Variants in RGS3 observed in about 807,000 individuals in gnomAD.
RGS3 encodes regulator of G-protein signalling 3.
A neutral mutation model predicts 132.6 loss-of-function variants in RGS3; 80 were observed. The observed-to-expected ratio is 0.60, with a 90% confidence interval of 0.50 to 0.73. The LOEUF is 0.73. Ranked by LOEUF, RGS3 falls within the 30% of genes least tolerant of loss-of-function variation. The probability of loss-of-function intolerance (pLI) is 0.00; values close to 1 mark genes in which losing one functional copy is unlikely to be tolerated. For missense variants in RGS3, 1,382 were observed against 1,530.8 expected, an observed-to-expected ratio of 0.90 and a Z score of 1.62; for synonymous variants, 598 against 620.6, an observed-to-expected ratio of 0.96 and a Z score of 0.54.
intron 1 of RGS3, among the ~76,000 whole-genome samples, chr9:113,449,098 G>A (rs1444332082): frequency 6.6e-6 from 1 of 152,208 alleles, no homozygotes; most frequent in Non-Finnish European, 1.5e-5. Flanking sequence ...GAATCAGGGA[G>A]TGATAGCACT....
chr9:113,549,441 G>C (rs1376867360), intron 19 of RGS3, among the ~76,000 whole-genome samples: 1 of 151,454 alleles, frequency 6.6e-6, no homozygotes, highest in Non-Finnish European at 1.5e-5. Context: ...TTTTTTCTTT[G>C]TTTGTTTGTT....
At chr9:113,484,607 C>T (rs987095836) in intron 6 of RGS3, among the ~76,000 whole-genome samples, 1 of 152,154 alleles carries the variant, frequency 6.6e-6, no homozygotes, top group Non-Finnish European at 1.5e-5. Context: ...TGCCTCCCTG[C>T]CCCCCTTTTT....
intron 20 of RGS3, among the ~76,000 whole-genome samples, chr9:113,588,767 C>T (rs1462883913): frequency 6.6e-6 from 1 of 152,172 alleles, no homozygotes; most frequent in Non-Finnish European, 1.5e-5. Context: ...TGAGCACGTC[C>T]CCGTGTTAAC....
intron 15 of RGS3, among the ~76,000 whole-genome samples, chr9:113,516,788 C>T (rs1295057699): frequency 6.6e-6 from 1 of 152,194 alleles, no homozygotes; most frequent in Admixed American, 6.5e-5. Flanking sequence ...CCTCAAGCTC[C>T]TGGCCTCAAA....
intron 1 of RGS3, among the ~76,000 whole-genome samples, chr9:113,445,258 C>T (rs1040915604): frequency 2.6e-5 from 4 of 151,506 alleles, no homozygotes; most frequent in African/African-American, 9.7e-5. Context: ...AGTGCAATGG[C>T]GTGATCTCGG....
chr9:113,479,468 T>C lies in RGS3; in HGVS notation c.416-23T>C, dbSNP rs1448730769. The C allele has an allele frequency of 1.9e-6, 3 of 1,613,810 alleles. No homozygotes were observed. In the Admixed American group the frequency reaches 5.0e-5, roughly 27 times the overall value. On this transcript the variant is annotated intron_variant, in intron 3 of 24. Transcript: ENST00000350696. ...ACCCACCAGGGAGCTGAGGCAAGGT[T>C]GTTTCTGTTGCTGTTTCCTTAGGTC...
At chr9:113,594,583 G>C in intron 22 of RGS3, 52 bp downstream of exon 20, 1 of 1,436,246 alleles carries the variant, frequency 7.0e-7, no homozygotes, top group Non-Finnish European at 9.8e-7. Flanking sequence ...CTGGCTCCCC[G>C]GGGAGTAGGA....
In RGS3 at chr9:113,507,335, G is replaced by A; in HGVS notation, c.1134G>A (p.Gln378=). The change falls in exon 13 of 25, where the codon CAG becomes CAA. Residue 378 remains glutamine, a synonymous_variant. Transcript: ENST00000350696. The surrounding 1 kb of genome is among the most constrained non-coding windows in gnomAD (Gnocchi z 5.0). ...TACTCGTGTGGCGCATGGTCCCCCA[G>A]GTCAAGCCAGGACCAGATGGCGGGG... 1 of 1,613,954 alleles carries A rather than the reference G, an allele frequency of 6.2e-7. No homozygotes were observed. Among genetic ancestry groups the A allele is most frequent in the Non-Finnish European group, 8.5e-7 (1 of 1,180,012 alleles).
chr9:113,448,294 A>G (rs1829158733), intron 1 of RGS3, among the ~76,000 whole-genome samples: 1 of 151,982 alleles, frequency 6.6e-6, no homozygotes, highest in South Asian at 2.1e-4. Flanking sequence ...CAAGCCTCAC[A>G]AGGCAGGGCT....
chr9:113,588,466 C>T (rs372929721), intron 20 of RGS3, among the ~76,000 whole-genome samples: 10 of 152,150 alleles, frequency 6.6e-5, no homozygotes, highest in African/African-American at 1.4e-4. Flanking sequence ...TGCTCACAGA[C>T]GAGCGCTCAG....
intron 18 of RGS3, 125 bp downstream of exon 16, chr9:113,529,389 G>A (rs928057478): frequency 8.1e-6 from 7 of 859,052 alleles, no homozygotes; most frequent in Admixed American, 5.7e-5. Flanking sequence ...CCGAAGTCCT[G>A]GGCAAGGCCA....
chr9:113,526,784 A>G (rs1221173344), intron 17 of RGS3, among the ~76,000 whole-genome samples: 3 of 152,142 alleles, frequency 2.0e-5, no homozygotes, highest in South Asian at 2.1e-4. Context: ...AGCGAGGTCC[A>G]CTCTGGAACC....
At chr9:113,447,323 G>GTGTATATATATATATATATATA (rs1829126189) in intron 1 of RGS3, among the ~76,000 whole-genome samples, 10 of 29,412 alleles carry the variant, frequency 3.4e-4, no homozygotes, top group South Asian at 6.6e-3. Flanking sequence ...TCTGATGTAT[G>GTGTATATATATATATATATATA]TATATGTATA....
At chr9:113,491,886 A>G (rs565844958) in intron 7 of RGS3, among the ~76,000 whole-genome samples, 9 of 152,318 alleles carry the variant, frequency 5.9e-5, no homozygotes, top group South Asian at 4.1e-4. Context: ...TAGTAGGTAC[A>G]TTTAGGGAGA....
intron 10 of RGS3, among the ~76,000 whole-genome samples, chr9:113,503,182 C>G (rs1484612188): frequency 1.3e-5 from 2 of 152,192 alleles, no homozygotes; most frequent in Non-Finnish European, 2.9e-5. Flanking sequence ...CTGTCAGAAG[C>G]CGCCAAGGCC....
intron 7 of RGS3, among the ~76,000 whole-genome samples, chr9:113,490,704 T>TA (rs1830481594): frequency 2.1e-5 from 3 of 143,188 alleles, no homozygotes; most frequent in African/African-American, 5.1e-5. Context: ...TATATTATAT[T>TA]TTATATTGGT....
At chr9:113,551,041 C>T (rs539029442) in intron 19 of RGS3, among the ~76,000 whole-genome samples, 109 of 152,296 alleles carry the variant, frequency 7.2e-4, no homozygotes, top group South Asian at 1.5e-3. Context: ...TATTCACACA[C>T]TTGTGTAACC....
At chr9:113,558,572 G>C (rs1315895406) in intron 19 of RGS3, among the ~76,000 whole-genome samples, 2 of 152,184 alleles carry the variant, frequency 1.3e-5, no homozygotes, top group Non-Finnish European at 2.9e-5. Context: ...CAGTGGAGGG[G>C]AGTGGTTTGG....
chr9:113,556,258 AT>A (rs1833562443), intron 19 of RGS3, among the ~76,000 whole-genome samples: 1 of 151,952 alleles, frequency 6.6e-6, no homozygotes, highest in African/African-American at 2.4e-5. Flanking sequence ...TCTTTTGGTA[AT>A]TTTTCCTGGT....
Sources: allele counts gnomAD v4.1 joint callset (sites outside exome capture counted in the v4.1 genomes callset), GRCh38; gene constraint gnomAD v4.1.1; non-coding constraint Gnocchi (gnomAD v3.1); transcripts MANE v1.5; gene names NCBI Gene and HGNC (gene_info 2026-07-23, HGNC 2026-07-21).